The following MPHOSPH9 variants were observed in gnomAD, a reference collection of about 807,000 sequenced individuals.
MPHOSPH9 encodes the protein M-phase phosphoprotein 9.
Under a neutral mutation model 145.5 loss-of-function variants are expected in MPHOSPH9, and 88 were observed. The ratio of observed to expected loss-of-function variants is 0.60; its 90% CI spans 0.51 to 0.72. MPHOSPH9 has a LOEUF of 0.72. MPHOSPH9 is among the 30% of genes least tolerant of loss of function. The pLI, the probability that MPHOSPH9 is intolerant of heterozygous loss-of-function variation, is 0.00. For synonymous variants in MPHOSPH9, 435 were observed against 486.2 expected (o/e 0.89, Z 1.39); for missense variants, 1,238 against 1,386.6 (o/e 0.89, Z 1.70).
At chr12:123,197,113 C>CACTT (rs1233635125) in intron 12 of MPHOSPH9, among the ~76,000 whole-genome samples, 1 of 127,014 alleles carries the variant, frequency 7.9e-6, no homozygotes, top group Non-Finnish European at 1.6e-5. Context: ...TCTAAATATA[C>CACTT]TAAAATTCAT....
In MPHOSPH9 at chr12:123,202,394, C is replaced by G. The variant is rs1372422875; in HGVS notation, c.1782-75G>C. Reference sequence around the variant, plus strand: ...TCCATCCCACAAGAGAAACCAAGAACACAATGATTCTCATGGGCAAAAATA... The same window carrying G: ...TCCATCCCACAAGAGAAACCAAGAAGACAATGATTCTCATGGGCAAAAATA... On this transcript the variant is annotated intron_variant, in intron 10 of 23. Coordinates refer to ENST00000606320, the MANE Select transcript of MPHOSPH9 (RefSeq NM_022782.4). The G allele has an allele frequency of 9.1e-6, 13 of 1,429,800 alleles. No homozygotes were observed. In the East Asian group the frequency reaches 2.8e-4, roughly 31 times the overall value. The allele number at this position is 1,429,800 out of a possible 1,614,324, so 88.6% of individuals were successfully genotyped here. A position where few individuals can be genotyped will look rare whatever the true frequency, so the allele number is the denominator to read the frequency against.
intron 5 of MPHOSPH9, among the ~76,000 whole-genome samples, chr12:123,219,540 G>C (rs900666288): frequency 7.3e-6 from 1 of 137,310 alleles, no homozygotes; most frequent in Non-Finnish European, 1.5e-5. Context: ...GCAACAGAGC[G>C]AGACTCTGTC....
At chr12:123,177,053 G>A (rs1238399709) in intron 15 of MPHOSPH9, among the ~76,000 whole-genome samples, 1 of 152,066 alleles carries the variant, frequency 6.6e-6, no homozygotes. Flanking sequence ...AGCTGGGCAT[G>A]GCGGTGTACA....
chr12:123,160,796 C>T lies in MPHOSPH9; in HGVS notation c.3435G>A (p.Gln1145=), dbSNP rs200844377. 315 of 1,613,862 alleles carry T rather than the reference C, an allele frequency of 2.0e-4. No homozygotes were observed. Among genetic ancestry groups the T allele is most frequent in the Non-Finnish European group, 2.5e-4 (296 of 1,180,018 alleles). The change falls in exon 23 of 24, where the codon CAG becomes CAA. Residue 1145 remains glutamine, a synonymous_variant. Transcript: ENST00000606320. ...MPSPGGRITL[Q]TRLNQEALED... Reference sequence around the variant, plus strand: ...GACATTTCACCTGATTTAATCTTGTCTGTAAAGTGATTCGTCCTCCAGGAG... The same window carrying T: ...GACATTTCACCTGATTTAATCTTGTTTGTAAAGTGATTCGTCCTCCAGGAG...
At chr12:123,221,346 C>T in intron 5 of MPHOSPH9, 26 bp downstream of exon 5, 1 of 1,512,394 alleles carries the variant, frequency 6.6e-7, no homozygotes, top group Non-Finnish European at 8.9e-7. Context: ...AATAAACTCC[C>T]TTCAAATGAT....
intron 3 of MPHOSPH9, among the ~76,000 whole-genome samples, chr12:123,224,511 T>A (rs2047359292): frequency 1.3e-5 from 2 of 152,106 alleles, no homozygotes; most frequent in Non-Finnish European, 2.9e-5. Flanking sequence ...CCTCAAGTGA[T>A]CCACCCGCCT....
At chr12:123,179,823 T>C in intron 15 of MPHOSPH9, 103 bp downstream of exon 15, 1 of 576,308 alleles carries the variant, frequency 1.7e-6, no homozygotes, top group South Asian at 2.7e-5. Flanking sequence ...GTTCTCAAAC[T>C]GCTTAAAAAT....
intron 16 of MPHOSPH9, among the ~76,000 whole-genome samples, chr12:123,172,231 GC>G (rs2044614757): frequency 2.6e-5 from 4 of 152,166 alleles, no homozygotes. Context: ...ACTCCACTTT[GC>G]TGTTGCACAA....
chr12:123,226,253 T>A, intron 3 of MPHOSPH9: 1 of 843,260 alleles, frequency 1.2e-6, no homozygotes, highest in South Asian at 3.5e-5. Context: ...TTTTTATAAT[T>A]TCAATAATTA....
chr12:123,223,979 G>A (rs1358593112), intron 3 of MPHOSPH9, among the ~76,000 whole-genome samples: 1 of 151,432 alleles, frequency 6.6e-6, no homozygotes, highest in East Asian at 1.9e-4. Flanking sequence ...CTCTCACCCA[G>A]GCTGGAGTGC....
chr12:123,171,156 A>G (rs1339911516), intron 16 of MPHOSPH9, among the ~76,000 whole-genome samples: 3 of 152,194 alleles, frequency 2.0e-5, no homozygotes, highest in Non-Finnish European at 4.4e-5. Flanking sequence ...CTTTAAAAAT[A>G]CAAAATATCA....
intron 6 of MPHOSPH9, among the ~76,000 whole-genome samples, chr12:123,215,865 A>G (rs898424438): frequency 1.3e-5 from 2 of 152,224 alleles, no homozygotes; most frequent in Non-Finnish European, 1.5e-5. Flanking sequence ...GAATTAACAC[A>G]TGAGCCTTAT....
At chr12:123,189,761 C>T (rs1299325630) in intron 13 of MPHOSPH9, among the ~76,000 whole-genome samples, 2 of 151,656 alleles carry the variant, frequency 1.3e-5, no homozygotes, top group Non-Finnish European at 2.9e-5. Flanking sequence ...GGTGAAACCC[C>T]GTCTCTACTA....
At chr12:123,157,986 ATTTTT>A (rs1256724225) in intron 23 of MPHOSPH9, among the ~76,000 whole-genome samples, 1 of 149,342 alleles carries the variant, frequency 6.7e-6, no homozygotes. Flanking sequence ...CTTTTATTTT[ATTTTT>A]TTTTTTTTGG....
At chr12:123,183,013 A>G (rs2045260634) in intron 13 of MPHOSPH9, among the ~76,000 whole-genome samples, 1 of 151,594 alleles carries the variant, frequency 6.6e-6, no homozygotes, top group Non-Finnish European at 1.5e-5. Flanking sequence ...CAGGAGTTCA[A>G]GACCAGCCTG....
intron 8 of MPHOSPH9, among the ~76,000 whole-genome samples, chr12:123,208,589 A>G (rs1047538962): frequency 6.6e-6 from 1 of 152,042 alleles, no homozygotes; most frequent in Non-Finnish European, 1.5e-5. Context: ...TATGGTGGAA[A>G]TGGATCGCAT....
chr12:123,227,145 G>C (rs562735904), intron 3 of MPHOSPH9, among the ~76,000 whole-genome samples: 1 of 152,222 alleles, frequency 6.6e-6, no homozygotes, highest in Non-Finnish European at 1.5e-5. Flanking sequence ...TTCCATATAA[G>C]TTACTGACAA....
rs3759111 is a variant in MPHOSPH9, at chr12:123,203,227, C to T, written c.1320+23G>A. The stretch of plus-strand genomic sequence containing the variant: ...TCAGGAAGCATTGTTCACGTTCACT[C>T]GGCAGAATGTGGACAACTTTACCTC... On this transcript the variant is annotated intron_variant, in intron 9 of 23. Transcript: ENST00000606320. 65,843 of 1,609,924 alleles carry T rather than the reference C, an allele frequency of 0.041. 2,544 individuals are homozygous for T. Among genetic ancestry groups the T allele is most frequent in the East Asian group, 0.26 (11,603 of 44,848 alleles).
At chr12:123,203,874 A>C (rs1231310658) in intron 8 of MPHOSPH9, among the ~76,000 whole-genome samples, 1 of 151,996 alleles carries the variant, frequency 6.6e-6, no homozygotes, top group Non-Finnish European at 1.5e-5. Flanking sequence ...TTTTGTAGAG[A>C]CAGGGTCTCA....
Sources: allele counts gnomAD v4.1 joint callset (sites outside exome capture counted in the v4.1 genomes callset), GRCh38; gene constraint gnomAD v4.1.1; transcripts MANE v1.5; gene names NCBI Gene and HGNC (gene_info 2026-07-23, HGNC 2026-07-21).